MTUS2: variants seen among roughly 807,000 people sequenced by gnomAD.
The protein encoded by MTUS2 is microtubule associated scaffold protein 2, also known as microtubule-associated tumor suppressor candidate 2.
A neutral mutation model predicts 114.1 loss-of-function variants in MTUS2; 40 were observed. That is an observed-to-expected ratio of 0.35 (90% CI 0.27 to 0.46). The LOEUF is 0.46. Ranked by LOEUF, MTUS2 falls within the 20% of genes least tolerant of loss-of-function variation. The probability of loss-of-function intolerance (pLI) is 1.00; values close to 1 mark genes in which losing one functional copy is unlikely to be tolerated. For missense variants in MTUS2, 1,679 were observed against 1,705.4 expected, an observed-to-expected ratio of 0.98 and a Z score of 0.27; for synonymous variants, 688 against 672.0, an observed-to-expected ratio of 1.02 and a Z score of -0.37.
chr13:29,231,406 C>T (rs962107401), intron 5 of MTUS2, among the ~76,000 whole-genome samples: 3 of 152,196 alleles, frequency 2.0e-5, no homozygotes, highest in Admixed American at 1.3e-4. Context: ...CACCAAATTT[C>T]TCATCACATC....
At chr13:29,119,727 C>A (rs1260113240) in intron 5 of MTUS2, among the ~76,000 whole-genome samples, 1 of 152,142 alleles carries the variant, frequency 6.6e-6, no homozygotes, top group African/African-American at 2.4e-5. Flanking sequence ...TTATCCCATT[C>A]AGGCCCTTAA....
intron 2 of MTUS2, among the ~76,000 whole-genome samples, chr13:28,847,133 A>G (rs1313039815): frequency 6.6e-6 from 1 of 152,220 alleles, no homozygotes; most frequent in Non-Finnish European, 1.5e-5. Flanking sequence ...GCTGTATTGT[A>G]TTTAGGATGG....
intron 2 of MTUS2, among the ~76,000 whole-genome samples, chr13:28,858,966 C>T (rs561375318): frequency 3.4e-4 from 52 of 152,162 alleles, no homozygotes; most frequent in South Asian, 1.0e-3. Context: ...GAGTGGGAAA[C>T]GGTAAAGACA....
At chr13:29,327,285 G>C (rs561439251) in intron 7 of MTUS2, among the ~76,000 whole-genome samples, 1 of 152,022 alleles carries the variant, frequency 6.6e-6, no homozygotes, top group African/African-American at 2.4e-5. Flanking sequence ...ATAGAACTTG[G>C]TAAGTTTTGC....
At chr13:28,970,462 G>T (rs2138251407) in intron 2 of MTUS2, among the ~76,000 whole-genome samples, 1 of 152,302 alleles carries the variant, frequency 6.6e-6, no homozygotes, top group African/African-American at 2.4e-5. Flanking sequence ...TTCATGCGTT[G>T]TCTCTGTCTT....
At chr13:29,492,599 C>A in intron 11 of MTUS2, 47 bp from the exon 12 acceptor site, 1 of 1,513,234 alleles carries the variant, frequency 6.6e-7, no homozygotes, top group Non-Finnish European at 9.2e-7. Flanking sequence ...TTGTTTTATC[C>A]TTTTCAAAAG....
intron 5 of MTUS2, among the ~76,000 whole-genome samples, chr13:29,117,731 T>G (rs1442250574): frequency 6.6e-6 from 1 of 152,170 alleles, no homozygotes; most frequent in Admixed American, 6.5e-5. Flanking sequence ...GGCAAGGAGT[T>G]GACACATCAG....
At chr13:29,313,431 T>G (rs1899856008) in intron 6 of MTUS2, among the ~76,000 whole-genome samples, 1 of 152,140 alleles carries the variant, frequency 6.6e-6, no homozygotes, top group Admixed American at 6.6e-5. Context: ...AGAGGTTTTG[T>G]TAGGTGACAG....
At chr13:28,943,592 G>T (rs1882362293) in intron 2 of MTUS2, among the ~76,000 whole-genome samples, 1 of 152,156 alleles carries the variant, frequency 6.6e-6, no homozygotes, top group African/African-American at 2.4e-5. Context: ...GACAGAGGTG[G>T]GCATTGCAGG....
At chr13:29,470,218 T>A (rs1880178194) in intron 9 of MTUS2, among the ~76,000 whole-genome samples, 1 of 152,182 alleles carries the variant, frequency 6.6e-6, no homozygotes, top group South Asian at 2.1e-4. Context: ...AACTCAGTAC[T>A]GTATAAAATA....
intron 2 of MTUS2, among the ~76,000 whole-genome samples, chr13:28,918,521 C>G (rs1880871106): frequency 1.3e-5 from 2 of 151,552 alleles, no homozygotes; most frequent in African/African-American, 4.8e-5. Context: ...ATATTTTTTT[C>G]CATCCTTTTA....
rs569502963 is a variant in MTUS2, at chr13:28,900,092, C to T, written c.-243+60242C>T. 2.0e-4 allele frequency among the ~76,000 whole-genome samples: 30 copies of T among 152,164 alleles called. No homozygotes were observed. The South Asian group carries it at 2.3e-3, about 12-fold the overall frequency. ...TAGTAGAGACGGGGTTTCACCATGT[C>T]GGCCAGGTTGGCCTCGAACTCCTAA... is the stretch of plus-strand genomic sequence containing the variant. On this transcript the variant is annotated intron_variant, in intron 2 of 15. Coordinates refer to ENST00000612955, the MANE Select transcript of MTUS2 (RefSeq NM_001033602.4).
chr13:29,153,493 G>A (rs142748750), intron 5 of MTUS2, among the ~76,000 whole-genome samples: 1 of 152,226 alleles, frequency 6.6e-6, no homozygotes, highest in East Asian at 1.9e-4. Context: ...AATGCTTTAA[G>A]CGAGGAGGGG....
At position 29,258,286 on chromosome 13, in the gene MTUS2, A is replaced by G. The variant is rs150477694; in HGVS notation, c.2645-23418A>G. On this transcript the variant is annotated intron_variant, in intron 5 of 15. Transcript: ENST00000612955. ...TTTGCTTGCCCTAGAGGCTGCCTGC[A>G]TTCCTTGCTATGTGGTCCCCCACCT... Among the ~76,000 whole-genome samples, 9 of 152,292 alleles carry G rather than the reference A, an allele frequency of 5.9e-5. No homozygotes were observed. In the East Asian group the frequency reaches 1.5e-3, roughly 26 times the overall value.
chr13:28,886,121 G>T (rs774264136), intron 2 of MTUS2, among the ~76,000 whole-genome samples: 50 of 152,170 alleles, frequency 3.3e-4, no homozygotes, highest in Non-Finnish European at 6.8e-4. Context: ...TGGGGAGAGG[G>T]GTGGTCAGGA....
chr13:29,304,985 A>G (rs1899377640), intron 6 of MTUS2, among the ~76,000 whole-genome samples: 4 of 152,218 alleles, frequency 2.6e-5, no homozygotes, highest in Admixed American at 2.6e-4. Context: ...TAAGAAACTC[A>G]CTTAAAACTT....
chr13:29,223,908 G>A (rs1896005140), intron 5 of MTUS2, among the ~76,000 whole-genome samples: 2 of 152,202 alleles, frequency 1.3e-5, no homozygotes, highest in South Asian at 4.1e-4. Context: ...AGCTGCTTGT[G>A]GTACATCTGG....
chr13:29,407,474 ATTTATTTATTTATTT>A (rs1430033080), intron 8 of MTUS2, among the ~76,000 whole-genome samples: 1 of 137,372 alleles, frequency 7.3e-6, no homozygotes, highest in Non-Finnish European at 1.6e-5. Flanking sequence ...TTATTTATTT[ATTTATTTATTTATTT>A]ATTTTGAGAT....
intron 2 of MTUS2, among the ~76,000 whole-genome samples, chr13:28,904,933 G>A (rs973939357): frequency 1.1e-4 from 17 of 151,476 alleles, no homozygotes; most frequent in African/African-American, 3.9e-4. Context: ...ATTTCATTGA[G>A]CAGTGGTTTG....
Sources: allele counts gnomAD v4.1 joint callset (sites outside exome capture counted in the v4.1 genomes callset), GRCh38; gene constraint gnomAD v4.1.1; transcripts MANE v1.5; gene names NCBI Gene and HGNC (gene_info 2026-07-23, HGNC 2026-07-21).